NXPE2: variants seen among roughly 807,000 people sequenced by gnomAD.
NXPE2 encodes NXPE family member 2.
In NXPE2, 34 loss-of-function variants were observed where a neutral mutation model predicts 34.4. The observed-to-expected ratio is 0.99, with a 90% CI of 0.75 to 1.31. The LOEUF is 1.31. NXPE2 is among the 40% of genes most tolerant of loss of function. NXPE2 has a pLI of 0.00. For missense variants in NXPE2, 649 were observed against 672.5 expected (o/e 0.97, Z 0.39); for synonymous variants, 235 against 231.3 (o/e 1.02, Z -0.15).
chr11:114,735,725 A>G, the NXPE2 span, among the ~76,000 whole-genome samples: 2 of 152,188 alleles, frequency 1.3e-5, no homozygotes, highest in Non-Finnish European at 2.9e-5. Context: ...CATATATAGT[A>G]GGAAAGTAGC....
At chr11:114,573,679 T>A in the NXPE2 span, among the ~76,000 whole-genome samples, 16 of 152,134 alleles carry the variant, frequency 1.1e-4, 1 homozygote, top group South Asian at 2.3e-3. Context: ...ATTCTAAATA[T>A]ATATGCATCT....
At chr11:114,801,060 A>G in the NXPE2 span, among the ~76,000 whole-genome samples, 2 of 47,864 alleles carry the variant, frequency 4.2e-5, no homozygotes, top group South Asian at 6.1e-4. Flanking sequence ...TATTCATTCA[A>G]CAAACACTGA....
chr11:114,809,792 T>TC, the NXPE2 span, among the ~76,000 whole-genome samples: 4 of 90,666 alleles, frequency 4.4e-5, no homozygotes, highest in African/African-American at 1.6e-4. Flanking sequence ...CTCAATGCCA[T>TC]CCCCATCAAG....
At chr11:114,471,219 T>G in the NXPE2 span, among the ~76,000 whole-genome samples, 1 of 152,186 alleles carries the variant, frequency 6.6e-6, no homozygotes, top group East Asian at 1.9e-4. Context: ...GCCAAAGGCA[T>G]AAAAATTTCG....
chr11:114,788,585 G>A, the NXPE2 span, among the ~76,000 whole-genome samples: 1 of 152,182 alleles, frequency 6.6e-6, no homozygotes, highest in Non-Finnish European at 1.5e-5. Flanking sequence ...TTTCATATTT[G>A]TTTTGGAGAC....
chr11:114,794,648 A>G, the NXPE2 span, among the ~76,000 whole-genome samples: 3 of 152,198 alleles, frequency 2.0e-5, no homozygotes, highest in African/African-American at 7.2e-5. Context: ...CTGTAGGTGC[A>G]ATCTGTCTGT....
the NXPE2 span, among the ~76,000 whole-genome samples, chr11:114,653,136 G>C: frequency 6.6e-6 from 1 of 152,100 alleles, no homozygotes; most frequent in East Asian, 1.9e-4. Flanking sequence ...TAACAATACT[G>C]ACTTGTTTTA....
the NXPE2 span, among the ~76,000 whole-genome samples, chr11:114,640,531 A>T: frequency 6.6e-6 from 1 of 151,780 alleles, no homozygotes; most frequent in Non-Finnish European, 1.5e-5. Context: ...AGAAACCTCC[A>T]TACTATTTAC....
At chr11:114,787,053 G>A in the NXPE2 span, among the ~76,000 whole-genome samples, 45 of 152,202 alleles carry the variant, frequency 3.0e-4, 2 homozygotes, top group East Asian at 2.1e-3. Context: ...GCTGCCGCCC[G>A]CAGCTCCCTG....
chr11:114,708,614 A>G (rs970845702), downstream of NXPE2, among the ~76,000 whole-genome samples: 34 of 150,806 alleles, frequency 2.3e-4, no homozygotes, highest in African/African-American at 6.1e-4. Flanking sequence ...TGGGTGACAG[A>G]GCGAGACTCC....
the NXPE2 span, among the ~76,000 whole-genome samples, chr11:114,636,580 G>A: frequency 3.3e-5 from 5 of 151,748 alleles, no homozygotes; most frequent in East Asian, 5.8e-4. Flanking sequence ...GATCTTTCCT[G>A]CTTTCTCTTG....
chr11:114,737,250 C>T, the NXPE2 span, among the ~76,000 whole-genome samples: 1 of 152,116 alleles, frequency 6.6e-6, no homozygotes, highest in Non-Finnish European at 1.5e-5. Flanking sequence ...CAGTAATACC[C>T]CAATCCCATT....
chr11:114,708,842 G>T (rs1024694811), downstream of NXPE2, among the ~76,000 whole-genome samples: 3 of 152,170 alleles, frequency 2.0e-5, no homozygotes, highest in African/African-American at 7.2e-5. Flanking sequence ...TTGCTTAAAT[G>T]AGTTATCGTT....
At chr11:114,645,586 T>TA in the NXPE2 span, among the ~76,000 whole-genome samples, 5 of 152,190 alleles carry the variant, frequency 3.3e-5, no homozygotes, top group East Asian at 9.6e-4. Flanking sequence ...TAAACCAAGT[T>TA]AAAATGCAAG....
At chr11:114,564,312 A>G in the NXPE2 span, among the ~76,000 whole-genome samples, 1 of 152,270 alleles carries the variant, frequency 6.6e-6, no homozygotes, top group East Asian at 1.9e-4. Flanking sequence ...CTTGGGGGAA[A>G]GGTTGATAGC....
chr11:114,612,699 C>A, the NXPE2 span, among the ~76,000 whole-genome samples: 2 of 151,252 alleles, frequency 1.3e-5, no homozygotes, highest in Admixed American at 6.6e-5. Context: ...ACAACTGTTG[C>A]CCTGTGTATA....
At chr11:114,559,411 A>G in the NXPE2 span, among the ~76,000 whole-genome samples, 2 of 152,230 alleles carry the variant, frequency 1.3e-5, no homozygotes, top group African/African-American at 4.8e-5. Context: ...GCAAAGAAAT[A>G]TCAGTTGTAA....
At position 114,678,650 on chromosome 11, in the gene NXPE2, G is replaced by A. The variant is rs1395477197; in HGVS notation, c.26+49G>A. ...TGCCAAGCTAACGTCAGGGAAGGGA[G>A]GGGAGAACTATAGACCATTTGGTGT... On this transcript the variant is annotated intron_variant, in intron 1 of 5. Transcript: ENST00000389586. 4.2e-6 allele frequency: 6 copies of A among 1,424,896 alleles called. No homozygotes were observed. In the Admixed American group the frequency reaches 5.9e-5, roughly 14 times the overall value. The allele number at this position is 1,424,896 out of a possible 1,614,324, so 88.3% of individuals were successfully genotyped here. A position where few individuals can be genotyped will look rare whatever the true frequency, so the allele number is the denominator to read the frequency against.
At chr11:114,775,982 A>G in the NXPE2 span, among the ~76,000 whole-genome samples, 1 of 152,192 alleles carries the variant, frequency 6.6e-6, no homozygotes, top group Non-Finnish European at 1.5e-5. Context: ...TCATTACTGC[A>G]AGGATGGCAC....
Sources: allele counts gnomAD v4.1 joint callset (sites outside exome capture counted in the v4.1 genomes callset), GRCh38; gene constraint gnomAD v4.1.1; transcripts MANE v1.5; gene names NCBI Gene and HGNC (gene_info 2026-07-23, HGNC 2026-07-21).